The following CNTNAP1 variants were observed in gnomAD, a reference collection of about 807,000 sequenced individuals.
The protein encoded by CNTNAP1 is contactin-associated protein 1.
CNTNAP1 carries 80 observed loss-of-function variants against 161.5 expected under a neutral mutation model. The ratio of observed to expected loss-of-function variants is 0.50; its 90% CI spans 0.41 to 0.60. CNTNAP1 has a LOEUF of 0.60. Ranked by LOEUF, CNTNAP1 falls within the 20% of genes least tolerant of loss-of-function variation. The probability of loss-of-function intolerance (pLI) is 0.00; values close to 1 mark genes in which losing one functional copy is unlikely to be tolerated. For synonymous variants in CNTNAP1, 695 were observed against 733.1 expected (o/e 0.95, Z 0.84); for missense variants, 1,464 against 1,854.8 (o/e 0.79, Z 3.87).
intron 18 of CNTNAP1, among the ~76,000 whole-genome samples, chr17:42,694,403 C>A (rs187761932): frequency 6.6e-6 from 1 of 151,444 alleles, no homozygotes; most frequent in South Asian, 2.1e-4. Flanking sequence ...AACTTCTGAC[C>A]GCAGGTGATC....
chr17:42,697,156 CTCCAGTATCTGCCCCCAAGTATATT>C, intron 20 of CNTNAP1, 93 bp from the exon 21 acceptor site: 1 of 766,350 alleles, frequency 1.3e-6, no homozygotes, highest in Non-Finnish European at 2.2e-6. Flanking sequence ...AATGAGAGAT[CTCCAGTATCTGCCCCCAAGTATATT>C]CCCAGGGTCC....
chr17:42,686,057 C>A lies in CNTNAP1; in HGVS notation c.816C>A (p.Gly272=). 1 of 1,614,142 alleles carries A rather than the reference C, an allele frequency of 6.2e-7. No individual in the cohort carries two copies. The highest frequency in any genetic ancestry group is 8.5e-7 in the Non-Finnish European group (1 of 1,180,030). ...ACTATGTGCGGGTGGACCGATTTGGCCGCGATGTAAATTTCACCCTGGACG... is the reference window on the plus strand; with the variant it reads ...ACTATGTGCGGGTGGACCGATTTGGACGCGATGTAAATTTCACCCTGGACG... ...HWHYVRVDRF[G]RDVNFTLDGY... is the part of the protein sequence containing the mutation. Residue 272 remains glycine (G), a synonymous_variant, in exon 6 of 24, where the codon GGC becomes GGA. Transcript: ENST00000264638.
At position 42,690,674 on chromosome 17, in the gene CNTNAP1, T is replaced by C. The variant is rs901977419; in HGVS notation, c.1856-65T>C. On this transcript the variant is annotated intron_variant, in intron 12 of 23. Transcript: ENST00000264638. The stretch of plus-strand genomic sequence containing the variant: ...TGAGTTGCAGCAGCGGTGGTGGAGG[T>C]GGGCAGGGAGATGGGTAGAGAATGC... The C allele has an allele frequency of 9.8e-6, 15 of 1,523,436 alleles. No homozygotes were observed. In the African/African-American group the frequency reaches 2.1e-4, roughly 21 times the overall value. The allele number at this position is 1,523,436 out of a possible 1,614,324, so 94.4% of individuals were successfully genotyped here. A position where few individuals can be genotyped will look rare whatever the true frequency, so the allele number is the denominator to read the frequency against.
intron 18 of CNTNAP1, 92 bp from the exon 19 acceptor site, chr17:42,695,429 T>C: frequency 9.8e-7 from 1 of 1,018,510 alleles, no homozygotes; most frequent in Non-Finnish European, 1.5e-6. Context: ...GAAACTGAAG[T>C]AAGTCTCAGG....
chr17:42,687,073 A>G lies in CNTNAP1; in HGVS notation c.1044+27A>G. 1 of 1,599,780 alleles carries G rather than the reference A, an allele frequency of 6.3e-7. No homozygotes were observed. The highest frequency in any genetic ancestry group is 8.6e-7 in the Non-Finnish European group (1 of 1,169,144). On this transcript the variant is annotated intron_variant, in intron 7 of 23. Coordinates refer to ENST00000264638, the MANE Select transcript of CNTNAP1 (RefSeq NM_003632.3). This position sits in a 1 kb window ranked among gnomAD's most constrained non-coding sequence, Gnocchi z 4.7. ...CCAGTGGGCAGGGGGGTCTGGGAGG[A>G]CAGGATATCAAAGCGTCGTGGAAAG...
chr17:42,685,058 G>T lies in CNTNAP1; in HGVS notation c.431G>T (p.Arg144Leu), dbSNP rs1331190812. The change falls in exon 4 of 24, where the codon CGC (arginine) becomes CTC (leucine). Residue 144 changes from arginine to leucine, a missense_variant. By Grantham distance (102) the Arg-to-Leu change is moderately radical. This residue lies in a region of CNTNAP1 where 1,383 missense variants were observed against 1,765.0 expected (regional missense o/e 0.78). Transcript: ENST00000264638. This position sits in a 1 kb window ranked among gnomAD's most constrained non-coding sequence, Gnocchi z 5.0. The part of the protein sequence containing the change: ...RHDLHFHFTA[R>L]YIRIVPLAWN... ...GACCTGCACTTCCACTTCACTGCGC[G>T]CTACATCCGCATCGTGCCCCTGGCC... 3.2e-6 allele frequency: 5 copies of T among 1,584,702 alleles called. No homozygotes were observed. Among genetic ancestry groups the T allele is most frequent in the Non-Finnish European group, 4.3e-6 (5 of 1,167,092 alleles).
chr17:42,691,668 C>T lies in CNTNAP1; in HGVS notation c.2345-138C>T, dbSNP rs534996010. On this transcript the variant is annotated intron_variant, in intron 15 of 23. Coordinates refer to ENST00000264638, the MANE Select transcript of CNTNAP1 (RefSeq NM_003632.3). The surrounding 1 kb of genome is among the most constrained non-coding windows in gnomAD (Gnocchi z 4.3). The stretch of plus-strand genomic sequence containing the variant: ...ACCCCTCTGCACCTGGCTCCTCTTT[C>T]ATTCCACTCCTTAGTCTCCCCTCCG... 1.3e-5 allele frequency: 18 copies of T among 1,354,198 alleles called. No homozygotes were observed. In the East Asian group the frequency reaches 3.5e-4, roughly 26 times the overall value. The allele number at this position is 1,354,198 out of a possible 1,614,324, so 83.9% of individuals were successfully genotyped here.
rs1236673460 is a variant in CNTNAP1, at chr17:42,693,297, G to C, written c.2753G>C (p.Gly918Ala). 3.7e-6 allele frequency: 6 copies of C among 1,613,944 alleles called. No homozygotes were observed. Among genetic ancestry groups the C allele is most frequent in the Non-Finnish European group, 5.1e-6 (6 of 1,179,956 alleles). Residue 918 changes from glycine (G) to alanine (A), a missense_variant and splice_region_variant, in exon 18 of 24, where the codon GGA (glycine) becomes GCA (alanine). Gly to Ala is a moderately conservative substitution (Grantham distance 60). Coordinates refer to ENST00000264638, the MANE Select transcript of CNTNAP1 (RefSeq NM_003632.3). ...TTGACCTGTTGCCTACCCTTCCCAGGATCTGCAGAGCTTAAGAGACGCCCC... is the reference window on the plus strand; with the variant it reads ...TTGACCTGTTGCCTACCCTTCCCAGCATCTGCAGAGCTTAAGAGACGCCCC... The part of the protein sequence containing the change: ...WMEYDQPLYV[G>A]SAELKRRPFV...
rs1057466302 is a variant in CNTNAP1 at position 42,684,925 on chromosome 17, A to C, written c.364-66A>C. 3.8e-6 allele frequency: 6 copies of C among 1,564,948 alleles called. No individual in the cohort carries two copies. In the African/African-American group the frequency reaches 8.3e-5, roughly 22 times the overall value. On this transcript the variant is annotated intron_variant, in intron 3 of 23. Coordinates refer to ENST00000264638, the MANE Select transcript of CNTNAP1 (RefSeq NM_003632.3). ...GGGCGACAGAGCGAGACTCTGTCTC[A>C]AAAAATAAAATAAAAAAAAGAAGCA...
At position 42,693,598 on chromosome 17, in the gene CNTNAP1, C is replaced by A. The variant is rs2053119687; in HGVS notation, c.2992+62C>A. 4 of 1,580,128 alleles carry A rather than the reference C, an allele frequency of 2.5e-6. No homozygotes were observed. In the Admixed American group the frequency reaches 6.9e-5, roughly 27 times the overall value. ...AGGGTGTAATGGGATGTAGGGAGGG[C>A]AGGGAAGGAAATAGCATGTAAAGCC... On this transcript the variant is annotated intron_variant, in intron 18 of 23. Coordinates refer to ENST00000264638, the MANE Select transcript of CNTNAP1 (RefSeq NM_003632.3).
In CNTNAP1 at chr17:42,695,592, A is replaced by C. The variant is rs752891286; in HGVS notation, c.3064A>C (p.Arg1022=). Residue 1022 remains arginine (R), a synonymous_variant, in exon 19 of 24, where the codon AGG becomes CGG. Coordinates refer to ENST00000264638, the MANE Select transcript of CNTNAP1 (RefSeq NM_003632.3). ...NLQSALRSAA[R]EFSHMLSRPV... ...ACAGTCAGCGCTGCGCTCTGCAGCC[A>C]GGGAGTTCTCCCACATGCTGAGCCG... 6.2e-7 allele frequency: 1 copy of C among 1,614,172 alleles called. No individual in the cohort carries two copies. Among genetic ancestry groups the C allele is most frequent in the South Asian group, 1.1e-5 (1 of 91,088 alleles).
Position 42,685,156 on chromosome 17 carries a change from G to A in CNTNAP1, c.511+18G>A, listed in dbSNP as rs777110060. ...CCCATACAGTAAGTGTGCAGAGAGCGCGGAGGGGGCCTGGGAGACAGCCTC... is the reference window on the plus strand; with the variant it reads ...CCCATACAGTAAGTGTGCAGAGAGCACGGAGGGGGCCTGGGAGACAGCCTC... On this transcript the variant is annotated intron_variant, in intron 4 of 23. Transcript: ENST00000264638. The surrounding 1 kb of genome is among the most constrained non-coding windows in gnomAD (Gnocchi z 5.0). 3 of 1,606,688 alleles carry A rather than the reference G, an allele frequency of 1.9e-6. No individual in the cohort carries two copies. The highest frequency in any genetic ancestry group is 2.2e-5 in the South Asian group (2 of 90,540).
At chr17:42,692,432 C>A in intron 16 of CNTNAP1, 67 bp from the exon 17 acceptor site, 2 of 1,337,596 alleles carry the variant, frequency 1.5e-6, no homozygotes, top group Non-Finnish European at 1.1e-6. Flanking sequence ...TTATATTGGG[C>A]AAGGATCTAT....
chr17:42,684,268 C>G (rs769970546), intron 3 of CNTNAP1, 39 bp downstream of exon 3: 37 of 1,578,452 alleles, frequency 2.3e-5, no homozygotes, highest in Non-Finnish European at 3.1e-5. Context: ...TGGGGAGCTT[C>G]CTCTGCTCCA....
rs2052995267 is a variant in CNTNAP1, at chr17:42,685,521, T to C, written c.715+101T>C. 3 of 1,164,390 alleles carry C rather than the reference T, an allele frequency of 2.6e-6. No individual in the cohort carries two copies. Among genetic ancestry groups the C allele is most frequent in the Non-Finnish European group, 3.6e-6 (3 of 827,120 alleles). 72.1% of individuals were successfully genotyped at this position (1,164,390 alleles called of 1,614,324 possible). On this transcript the variant is annotated intron_variant, in intron 5 of 23. Coordinates refer to ENST00000264638, the MANE Select transcript of CNTNAP1 (RefSeq NM_003632.3). This position sits in a 1 kb window ranked among gnomAD's most constrained non-coding sequence, Gnocchi z 5.0. ...CGCGCATCCGCGCTCAGCCTGGTCT[T>C]CCACTTCTCTAAGGCCTGGACCAAA... is the stretch of plus-strand genomic sequence containing the variant.
Position 42,687,257 on chromosome 17 carries a change from C to G in CNTNAP1, c.1044+211C>G, listed in dbSNP as rs1325897113. ...AGAAGCAGTGGTCGGGTCCAATCAC[C>G]TTCTTAGTTCATAGATGAAGAAAGT... is the stretch of plus-strand genomic sequence containing the variant. On this transcript the variant is annotated intron_variant, in intron 7 of 23. Coordinates refer to ENST00000264638, the MANE Select transcript of CNTNAP1 (RefSeq NM_003632.3). The surrounding 1 kb of genome is among the most constrained non-coding windows in gnomAD (Gnocchi z 4.7). The G allele has an allele frequency of 3.3e-6, 2 of 604,600 alleles. No individual in the cohort carries two copies. Among genetic ancestry groups the G allele is most frequent in the African/African-American group, 3.7e-5 (2 of 54,128 alleles). The allele number at this position is 604,600 out of a possible 1,614,324, so 37.5% of individuals were successfully genotyped here. A position where few individuals can be genotyped will look rare whatever the true frequency, so the allele number is the denominator to read the frequency against.
rs1249467076 is a variant in CNTNAP1, at chr17:42,688,501, T to G, written c.1346T>G (p.Phe449Cys). 43 of 1,614,212 alleles carry G rather than the reference T, an allele frequency of 2.7e-5. No individual in the cohort carries two copies. The highest frequency in any genetic ancestry group is 3.6e-5 in the Non-Finnish European group (42 of 1,180,042). The change falls in exon 9 of 24, where the codon TTT becomes TGT. Residue 449 changes from phenylalanine to cysteine, a missense_variant. Physicochemically the swap from Phe to Cys is radical, Grantham distance 205. Coordinates refer to ENST00000264638, the MANE Select transcript of CNTNAP1 (RefSeq NM_003632.3). ...LNDGFWHEVN[F>C]VAQENHAVIS... is the part of the protein sequence containing the mutation. ...GACGGCTTTTGGCACGAGGTGAATTTTGTGGCACAGGAAAACCATGCAGTT... is the reference window on the plus strand; with the variant it reads ...GACGGCTTTTGGCACGAGGTGAATTGTGTGGCACAGGAAAACCATGCAGTT...
Position 42,691,783 on chromosome 17 carries a change from C to T in CNTNAP1, c.2345-23C>T. ...CCACCCTCCAATCTCCCTGACAAGA[C>T]CTTCCTCCATCTGCTTTTCTAGGAA... is the stretch of plus-strand genomic sequence containing the variant. On this transcript the variant is annotated intron_variant, in intron 15 of 23. Coordinates refer to ENST00000264638, the MANE Select transcript of CNTNAP1 (RefSeq NM_003632.3). The surrounding 1 kb of genome is among the most constrained non-coding windows in gnomAD (Gnocchi z 4.3). The T allele has an allele frequency of 1.2e-6, 2 of 1,612,796 alleles. No homozygotes were observed. The highest frequency in any genetic ancestry group is 8.5e-7 in the Non-Finnish European group (1 of 1,178,976).
Position 42,695,690 on chromosome 17 carries a change from C to T in CNTNAP1, c.3162C>T (p.Gly1054=). 1.2e-6 allele frequency: 2 copies of T among 1,614,178 alleles called. No individual in the cohort carries two copies. The highest frequency in any genetic ancestry group is 1.7e-6 in the Non-Finnish European group (2 of 1,180,040). ...DTPGYVPGYH[G]PGYRLPDYPR... ...CGGGCTATGTGCCTGGCTACCATGG[C>T]CCCGGGTACCGCCTGCCCGACTACC... The change falls in exon 19 of 24, where the codon GGC becomes GGT. Residue 1054 remains glycine, a synonymous_variant. Coordinates refer to ENST00000264638, the MANE Select transcript of CNTNAP1 (RefSeq NM_003632.3).
Sources: gnomAD v4.1 joint callset for allele counts (sites outside exome capture counted in the v4.1 genomes callset) on GRCh38, gnomAD v4.1.1 for gene constraint, gnomAD v4.1.1 regional missense constraint, Gnocchi (gnomAD v3.1) non-coding constraint, MANE v1.5 for transcripts, NCBI Gene and HGNC (gene_info 2026-07-23, HGNC 2026-07-21) for gene names.